The following WWOX variants were observed in gnomAD, a reference collection of about 807,000 sequenced individuals.
WWOX encodes the protein WW domain-containing oxidoreductase.
WWOX carries 69 observed loss-of-function variants against 46.2 expected under a neutral mutation model. The observed-to-expected ratio is 1.49, with a 90% confidence interval of 1.23 to 1.82. The LOEUF (loss-of-function observed/expected upper bound fraction) is 1.82, where lower values mean the gene tolerates loss of function less well. Ranked by LOEUF, WWOX falls within the 40% of genes most tolerant of loss-of-function variation. The pLI is 0.00. For synonymous variants in WWOX, 359 were observed against 202.6 expected, an observed-to-expected ratio of 1.77 and a Z score of -6.56; for missense variants, 919 against 542.6, an observed-to-expected ratio of 1.69 and a Z score of -6.89.
intron 8 of WWOX, among the ~76,000 whole-genome samples, chr16:78,452,668 GT>G (rs2083721182): frequency 6.6e-6 from 1 of 151,376 alleles, no homozygotes; most frequent in South Asian, 2.1e-4. Context: ...TAGAGACTAG[GT>G]TTTACCATGT....
intron 8 of WWOX, among the ~76,000 whole-genome samples, chr16:79,028,898 G>GAA (rs34652825): frequency 1.7e-4 from 26 of 150,532 alleles, no homozygotes; most frequent in Admixed American, 4.0e-4. Context: ...TGAACCACTA[G>GAA]AAAAAAAAAT....
rs1380248124 is a variant in WWOX at position 78,707,887 on chromosome 16, AAAGT to A, written c.1056+275137_1056+275140del. ...TAAATAAATAAATAAATAAATAAAT[AAAGT>A]ATCTGTCCCCAAGTCACAATGCTAT... On this transcript the variant is annotated intron_variant, in intron 8 of 8. Transcript: ENST00000566780. Among the ~76,000 whole-genome samples, 344 of 137,082 alleles carry A rather than the reference AAAGT, an allele frequency of 2.5e-3. 1 individual carries two copies. Among genetic ancestry groups the A allele is most frequent in the Non-Finnish European group, 3.8e-3 (234 of 61,730 alleles). The allele number at this position is 137,082 out of a possible 152,430, so 89.9% of individuals were successfully genotyped here.
intron 8 of WWOX, among the ~76,000 whole-genome samples, chr16:78,957,731 T>G (rs535525106): frequency 6.6e-6 from 1 of 152,314 alleles, no homozygotes; most frequent in African/African-American, 2.4e-5. Flanking sequence ...GGAGAAGAAC[T>G]TTTCTTTGGC....
chr16:78,616,219 G>GT (rs112617111), intron 8 of WWOX, among the ~76,000 whole-genome samples: 29,594 of 149,414 alleles, frequency 0.2, 3,138 homozygotes, highest in African/African-American at 0.27. Context: ...CACTTTTGTG[G>GT]TTTTTTTTTT....
intron 8 of WWOX, among the ~76,000 whole-genome samples, chr16:79,037,689 C>G (rs748812382): frequency 2.6e-5 from 4 of 152,146 alleles, no homozygotes; most frequent in African/African-American, 4.8e-5. Flanking sequence ...TTAAATAGGC[C>G]TCACAATCGC....
In WWOX at chr16:78,494,725, C is replaced by T. The variant is rs376558168; in HGVS notation, c.1056+61973C>T. Among the ~76,000 whole-genome samples, 5 of 152,122 alleles carry T rather than the reference C, an allele frequency of 3.3e-5. No individual in the cohort carries two copies. In the East Asian group the frequency reaches 5.8e-4, roughly 18 times the overall value. On this transcript the variant is annotated intron_variant, in intron 8 of 8. Transcript: ENST00000566780. ...GAAAATAAATTTAAGGCTTGGTCAT[C>T]GGTCCTTGAGTCAGCACATTGAGCG...
intron 8 of WWOX, among the ~76,000 whole-genome samples, chr16:79,046,607 G>T (rs980381169): frequency 1.3e-5 from 2 of 152,148 alleles, no homozygotes; most frequent in African/African-American, 4.8e-5. Flanking sequence ...TTCCTCCCCA[G>T]TACACAGAAA....
At chr16:78,310,559 C>T (rs2151874300) in intron 5 of WWOX, among the ~76,000 whole-genome samples, 1 of 152,290 alleles carries the variant, frequency 6.6e-6, no homozygotes, top group East Asian at 1.9e-4. Flanking sequence ...TAGTGGTCAC[C>T]AGAATGCATG....
chr16:79,002,424 A>C (rs555934677), intron 8 of WWOX, among the ~76,000 whole-genome samples: 55 of 151,844 alleles, frequency 3.6e-4, no homozygotes, highest in African/African-American at 1.3e-3. Context: ...GGGTTTTGAC[A>C]TGTTGCCAGG....
At chr16:78,930,969 A>C (rs1405412815) in intron 8 of WWOX, among the ~76,000 whole-genome samples, 4 of 152,296 alleles carry the variant, frequency 2.6e-5, no homozygotes, top group African/African-American at 9.6e-5. Context: ...ACATGTCACT[A>C]GCAGCCTCAG....
At chr16:78,111,078 G>C (rs950234714) in intron 3 of WWOX, among the ~76,000 whole-genome samples, 8 of 152,076 alleles carry the variant, frequency 5.3e-5, no homozygotes, top group African/African-American at 1.7e-4. Context: ...CCAACATTTA[G>C]GGGTCGGGCC....
intron 8 of WWOX, among the ~76,000 whole-genome samples, chr16:78,727,234 A>C (rs548418369): frequency 1.3e-5 from 2 of 152,188 alleles, no homozygotes; most frequent in Non-Finnish European, 2.9e-5. Context: ...CCCTGTCTCT[A>C]CTAGAAATAC....
chr16:78,584,566 T>G (rs1285569411), intron 8 of WWOX, among the ~76,000 whole-genome samples: 1 of 152,226 alleles, frequency 6.6e-6, no homozygotes, highest in Admixed American at 6.5e-5. Flanking sequence ...TTTTAATATA[T>G]ACCTTTTAAA....
chr16:79,111,853 T>G (rs974308189), intron 8 of WWOX, among the ~76,000 whole-genome samples: 3 of 152,170 alleles, frequency 2.0e-5, no homozygotes, highest in African/African-American at 7.2e-5. Flanking sequence ...GGGACAAATT[T>G]ATGTAACAGA....
intron 5 of WWOX, among the ~76,000 whole-genome samples, chr16:78,332,840 C>T (rs986205551): frequency 5.3e-5 from 8 of 152,026 alleles, no homozygotes; most frequent in Middle Eastern, 3.2e-3. Context: ...GGCTGAGGCT[C>T]AGAAATTTAA....
chr16:78,429,733 A>T (rs74970416), intron 7 of WWOX, among the ~76,000 whole-genome samples: 5,443 of 152,298 alleles, frequency 0.036, 145 homozygotes, highest in Middle Eastern at 0.058. Context: ...TGTTGAAATA[A>T]AGTTAGCAAA....
intron 8 of WWOX, among the ~76,000 whole-genome samples, chr16:78,733,932 C>T (rs1162961278): frequency 2.0e-5 from 3 of 151,542 alleles, no homozygotes; most frequent in South Asian, 4.2e-4. Flanking sequence ...CATAGAGGCA[C>T]ACCTGTGGTC....
At position 78,538,853 on chromosome 16, in the gene WWOX, C is replaced by G. The variant is rs577093890; in HGVS notation, c.1056+106101C>G. ...TATTGGAGGATTGTTTATTTCTGTT[C>G]ATTTGGTCCTGAATAGTACCTATGA... On this transcript the variant is annotated intron_variant, in intron 8 of 8. Transcript: ENST00000566780. Among the ~76,000 whole-genome samples, 5 of 152,242 alleles carry G rather than the reference C, an allele frequency of 3.3e-5. No individual in the cohort carries two copies. The East Asian group carries it at 7.7e-4, about 24-fold the overall frequency.
At chr16:78,831,035 C>T (rs1304153124) in intron 8 of WWOX, among the ~76,000 whole-genome samples, 1 of 152,136 alleles carries the variant, frequency 6.6e-6, no homozygotes, top group Non-Finnish European at 1.5e-5. Context: ...AAGGGGAGGG[C>T]AGAATGTGAT....
Sources: gnomAD v4.1 joint callset for allele counts (sites outside exome capture counted in the v4.1 genomes callset) on GRCh38, gnomAD v4.1.1 for gene constraint, MANE v1.5 for transcripts, NCBI Gene and HGNC (gene_info 2026-07-23, HGNC 2026-07-21) for gene names.